Variants in MEIKIN observed in about 807,000 individuals in gnomAD.
MEIKIN encodes meiotic kinetochore factor.
intron 8 of MEIKIN, among the ~76,000 whole-genome samples, chr5:131,897,967 T>C (rs981272032): frequency 1.3e-5 from 2 of 152,182 alleles, no homozygotes; most frequent in African/African-American, 4.8e-5. Flanking sequence ...TGCGATCCTT[T>C]GGAGGAGAAG....
At chr5:131,877,643 C>CA (rs1046074975) in intron 9 of MEIKIN, among the ~76,000 whole-genome samples, 9 of 150,930 alleles carry the variant, frequency 6.0e-5, no homozygotes, top group Admixed American at 1.3e-4. Flanking sequence ...GACCTTGTTT[C>CA]AAAAAAAACA....
chr5:131,929,301 G>A (rs369585839), intron 5 of MEIKIN, among the ~76,000 whole-genome samples: 2 of 152,068 alleles, frequency 1.3e-5, no homozygotes, highest in South Asian at 2.1e-4. Context: ...TTCTACTTGG[G>A]TCCCTTGGGC....
At chr5:131,882,468 T>G (rs1489932895) in intron 8 of MEIKIN, among the ~76,000 whole-genome samples, 3 of 152,216 alleles carry the variant, frequency 2.0e-5, no homozygotes, top group Non-Finnish European at 4.4e-5. Flanking sequence ...GTTTCTCAGA[T>G]TTATATTTAG....
intron 8 of MEIKIN, among the ~76,000 whole-genome samples, chr5:131,895,707 T>G: frequency 6.6e-6 from 1 of 152,310 alleles, no homozygotes; most frequent in South Asian, 2.1e-4. Context: ...TGATAGTAGT[T>G]TGTATTTCTG....
Position 131,916,934 on chromosome 5 carries a change from G to C in MEIKIN, c.599-9C>G. The C allele has an allele frequency of 2.5e-6, 1 of 397,096 alleles. No individual in the cohort carries two copies. Among genetic ancestry groups the C allele is most frequent in the South Asian group, 1.3e-4 (1 of 7,828 alleles). The allele number at this position is 397,096 out of a possible 1,614,324, so 24.6% of individuals were successfully genotyped here. On this transcript the variant is annotated splice_polypyrimidine_tract_variant and intron_variant, in intron 6 of 12. Transcript: ENST00000442687. ...GTCTTCTGAAGAGGTACCTAGGAGA[G>C]AAAATAAAAACAATCTATTAGAAAT... is the stretch of plus-strand genomic sequence containing the variant.
chr5:131,864,604 G>C (rs1268572095), intron 9 of MEIKIN, among the ~76,000 whole-genome samples: 1 of 152,114 alleles, frequency 6.6e-6, no homozygotes. Flanking sequence ...TAGTCTAATG[G>C]GGTTTCCTTT....
At chr5:131,914,465 GAGAGAGAGAAAGAA>G (rs1278459291) in intron 7 of MEIKIN, among the ~76,000 whole-genome samples, 21 of 142,392 alleles carry the variant, frequency 1.5e-4, no homozygotes, top group Middle Eastern at 3.7e-3. Flanking sequence ...GAAGGGGAGA[GAGAGAGAGAAAGAA>G]AGAGAGAGAA....
At chr5:131,886,952 C>G (rs1424236185) in intron 8 of MEIKIN, among the ~76,000 whole-genome samples, 2 of 108,334 alleles carry the variant, frequency 1.8e-5, no homozygotes, top group South Asian at 4.2e-4. Flanking sequence ...TCCCTCCCCC[C>G]TCCCCCCACC....
intron 12 of MEIKIN, among the ~76,000 whole-genome samples, chr5:131,817,524 GAAT>G: frequency 6.6e-6 from 1 of 151,570 alleles, no homozygotes; most frequent in East Asian, 1.9e-4. Context: ...GCTGAGGCTG[GAAT>G]ATGGTGTGAA....
chr5:131,811,345 CTT>C (rs1191801241), intron 12 of MEIKIN, among the ~76,000 whole-genome samples: 3 of 140,902 alleles, frequency 2.1e-5, no homozygotes, highest in African/African-American at 2.6e-5. Flanking sequence ...TTTTTCTTTT[CTT>C]TTTTTTTTTT....
intron 5 of MEIKIN, among the ~76,000 whole-genome samples, chr5:131,928,248 T>G (rs1422848106): frequency 6.6e-6 from 1 of 152,234 alleles, no homozygotes; most frequent in Non-Finnish European, 1.5e-5. Context: ...ATTGGGAAGT[T>G]TAACTTATTT....
intron 11 of MEIKIN, among the ~76,000 whole-genome samples, chr5:131,841,333 C>T (rs191304527): frequency 6.6e-6 from 1 of 152,262 alleles, no homozygotes; most frequent in African/African-American, 2.4e-5. Flanking sequence ...CATTCTCATT[C>T]TCATGTGCCA....
intron 9 of MEIKIN, among the ~76,000 whole-genome samples, chr5:131,861,369 CAGAG>C (rs995111995): frequency 2.0e-5 from 3 of 151,962 alleles, no homozygotes; most frequent in African/African-American, 7.2e-5. Context: ...ACCTGGGCAA[CAGAG>C]AGAGACTCTG....
chr5:131,848,218 G>GA, intron 11 of MEIKIN, among the ~76,000 whole-genome samples: 1 of 151,980 alleles, frequency 6.6e-6, no homozygotes, highest in East Asian at 1.9e-4. Context: ...AAATCATAAG[G>GA]AAAATCAATC....
chr5:131,929,893 T>C lies in MEIKIN; in HGVS notation c.478+3620A>G, dbSNP rs892830084. ...TTTTTTATTTCTGTGTAGTATTCCA[T>C]GGTGTACGTGTACTACACTTTCTTT... On this transcript the variant is annotated intron_variant, in intron 5 of 12. Coordinates refer to ENST00000442687, the MANE Select transcript of MEIKIN (RefSeq NM_001303622.2). 3.3e-5 allele frequency among the ~76,000 whole-genome samples: 5 copies of C among 152,376 alleles called. 1 individual carries two copies. The South Asian group carries it at 8.3e-4, about 25-fold the overall frequency.
chr5:131,928,796 CA>C (rs1751634807), intron 5 of MEIKIN, among the ~76,000 whole-genome samples: 1 of 151,976 alleles, frequency 6.6e-6, no homozygotes, highest in Non-Finnish European at 1.5e-5. Context: ...GCAATTGCAA[CA>C]AAAACAAAAA....
intron 6 of MEIKIN, 65 bp from the exon 7 acceptor site, chr5:131,916,990 GA>G (rs1751423915): frequency 2.5e-6 from 1 of 392,344 alleles, no homozygotes; most frequent in Non-Finnish European, 4.5e-6. Context: ...AGGTAAAAAT[GA>G]ATATTTTCCC....
At chr5:131,831,553 C>CTCAA (rs201199749) in intron 11 of MEIKIN, among the ~76,000 whole-genome samples, 1,637 of 152,128 alleles carry the variant, frequency 0.011, 55 homozygotes, top group East Asian at 0.096. Context: ...AACAACGTGT[C>CTCAA]TCAATCAATC....
chr5:131,849,698 C>T (rs1022032006), intron 11 of MEIKIN, among the ~76,000 whole-genome samples: 1 of 151,182 alleles, frequency 6.6e-6, no homozygotes, highest in African/African-American at 2.4e-5. Context: ...ACGAATACAG[C>T]CATATATGAA....
Sources: gnomAD v4.1 joint callset for allele counts (sites outside exome capture counted in the v4.1 genomes callset) on GRCh38, gnomAD v4.1.1 for gene constraint, MANE v1.5 for transcripts, NCBI Gene and HGNC (gene_info 2026-07-23, HGNC 2026-07-21) for gene names.